HPS3: variants seen among roughly 807,000 people sequenced by gnomAD.
HPS3 encodes HPS3 biogenesis of lysosomal organelles complex 2 subunit 1.
A neutral mutation model predicts 110.9 loss-of-function variants in HPS3; 79 were observed. That is an observed-to-expected ratio of 0.71 (90% CI 0.59 to 0.86). HPS3 has a LOEUF of 0.86. Among genes scored for constraint, HPS3 ranks in the 40% least tolerant of loss-of-function variants. The pLI, the probability that HPS3 is intolerant of heterozygous loss-of-function variation, is 0.00. For missense variants in HPS3, 1,197 were observed against 1,206.2 expected (o/e 0.99, Z 0.11); for synonymous variants, 428 against 451.0 (o/e 0.95, Z 0.65).
At chr3:149,158,317 T>C (rs922574038) in intron 9 of HPS3, among the ~76,000 whole-genome samples, 2 of 152,208 alleles carry the variant, frequency 1.3e-5, no homozygotes, top group African/African-American at 4.8e-5. Flanking sequence ...CTTAAATTGT[T>C]GTTTTTGTTT....
At position 149,157,415 on chromosome 3, in the gene HPS3, T is replaced by C; in HGVS notation, c.1575T>C (p.Ala525=). The change falls in exon 9 of 17, where the codon GCT becomes GCC. Residue 525 remains alanine, a synonymous_variant. Transcript: ENST00000296051. ...TQSCIHLLSE[A]HLLVRAALMD... ...GCTGCATTCACCTTCTCAGTGAGGC[T>C]CATCTGTTAGTGCGAGCTGCCCTGA... The C allele has an allele frequency of 6.2e-7, 1 of 1,613,938 alleles. No individual in the cohort carries two copies. Among genetic ancestry groups the C allele is most frequent in the Non-Finnish European group, 8.5e-7 (1 of 1,179,880 alleles).
rs201624572 is a variant in HPS3 at position 149,162,320 on chromosome 3, A to C, written c.2279A>C (p.Asp760Ala). The change falls in exon 12 of 17, where the codon GAT (aspartate) becomes GCT (alanine). Residue 760 changes from aspartate to alanine, a missense_variant. By Grantham distance (126) the Asp-to-Ala change is moderately radical (BLOSUM62 -2). Transcript: ENST00000296051. ...KNNKIGIEEA[D>A]SFFKVLCAKD... is the part of the protein sequence containing the mutation. ...AACAAAATTGGAATTGAAGAAGCAGATTCCTTTTTTAAGGTTTGTCACTTT... is the reference window on the plus strand; with the variant it reads ...AACAAAATTGGAATTGAAGAAGCAGCTTCCTTTTTTAAGGTTTGTCACTTT... The C allele has an allele frequency of 7.4e-6, 12 of 1,613,848 alleles. No individual in the cohort carries two copies. The highest frequency in any genetic ancestry group is 1.6e-4 in the Middle Eastern group (1 of 6,080).
chr3:149,143,219 A>G (rs1722587622), intron 4 of HPS3, among the ~76,000 whole-genome samples: 1 of 152,080 alleles, frequency 6.6e-6, no homozygotes, highest in South Asian at 2.1e-4. Flanking sequence ...TCCCACTCTC[A>G]CCCTGCTTAC....
chr3:149,151,587 TAAAAAAAAAAA>T (rs1167453087), intron 6 of HPS3, among the ~76,000 whole-genome samples: 11 of 40,300 alleles, frequency 2.7e-4, no homozygotes, highest in African/African-American at 5.6e-4. Flanking sequence ...GCTTGGTTTC[TAAAAAAAAAAA>T]AAAAAAAAAA....
intron 14 of HPS3, among the ~76,000 whole-genome samples, chr3:149,166,701 G>A (rs1270385502): frequency 2.0e-5 from 3 of 152,120 alleles, no homozygotes; most frequent in African/African-American, 2.4e-5. Context: ...ATCATTGGAC[G>A]TAAATCTTTA....
chr3:149,142,877 ATCTTG>A (rs1722561883), intron 4 of HPS3, among the ~76,000 whole-genome samples: 3 of 152,128 alleles, frequency 2.0e-5, no homozygotes, highest in African/African-American at 7.2e-5. Flanking sequence ...CCCTGACCTC[ATCTTG>A]AGGTCAGGGA....
rs1722748106 is a variant in HPS3 at position 149,145,691 on chromosome 3, T to A, written c.1163+145T>A. ...ATGTCATTGTAAGTCTGTCTTTTGA[T>A]GACCCATACCTGCCTTTTCAATGTC... On this transcript the variant is annotated intron_variant, in intron 5 of 16. Transcript: ENST00000296051. The A allele has an allele frequency of 4.0e-6, 3 of 753,472 alleles. No homozygotes were observed. In the South Asian group the frequency reaches 4.3e-5, roughly 11 times the overall value. 46.7% of individuals were successfully genotyped at this position (753,472 alleles called of 1,614,324 possible).
chr3:149,167,080 T>G lies in HPS3; in HGVS notation c.2636T>G (p.Phe879Cys). ...TTTGACATAGCTTCCATTATTCCGT[T>G]CTTGGAGCCACTTTCAGAAGACACT... Reference protein sequence around the residue: ...PSFDIASIIPFLEPLSEDTIA... With the variant: ...PSFDIASIIPCLEPLSEDTIA... Residue 879 changes from phenylalanine (F) to cysteine (C), a missense_variant, in exon 15 of 17, where the codon TTC becomes TGC. By Grantham distance (205) the Phe-to-Cys change is radical. Coordinates refer to ENST00000296051, the MANE Select transcript of HPS3 (RefSeq NM_032383.5). 6.2e-7 allele frequency: 1 copy of G among 1,613,938 alleles called. No homozygotes were observed. The highest frequency in any genetic ancestry group is 8.5e-7 in the Non-Finnish European group (1 of 1,179,838).
Position 149,150,691 on chromosome 3 carries a change from G to A in HPS3, c.1245+11G>A, listed in dbSNP as rs202067740. On this transcript the variant is annotated intron_variant, in intron 6 of 16. Transcript: ENST00000296051. ...GACACCACCCTGAAGGTAAGAACTG[G>A]CTTATGAAGATAGTGAAACCTTAAG... 1.2e-6 allele frequency: 2 copies of A among 1,604,278 alleles called. No individual in the cohort carries two copies. The highest frequency in any genetic ancestry group is 1.7e-6 in the Non-Finnish European group (2 of 1,171,132).
chr3:149,167,748 T>C (rs1045685608), intron 15 of HPS3, 145 bp from the exon 16 acceptor site: 23 of 676,130 alleles, frequency 3.4e-5, no homozygotes, highest in African/African-American at 3.1e-4. Flanking sequence ...GCTGCTGATA[T>C]AACTTATGTT....
At chr3:149,131,054 C>G (rs758937978) in intron 1 of HPS3, among the ~76,000 whole-genome samples, 3 of 151,170 alleles carry the variant, frequency 2.0e-5, no homozygotes, top group Non-Finnish European at 2.9e-5. Context: ...TTGGAGATCT[C>G]TCTCTAATCC....
rs1722336761 is a variant in HPS3 at position 149,140,027 on chromosome 3, G to A, written c.241G>A (p.Glu81Lys). ...AGGAGATTATTTGGTAGCAATTGAA[G>A]AGAAAAACAAAGCTACATTTCTACG... The part of the protein sequence containing the change: ...EAGDYLVAIE[E>K]KNKATFLRAY... The change falls in exon 2 of 17, where the codon GAG becomes AAG. Residue 81 changes from glutamate to lysine, a missense_variant. By Grantham distance (56) the Glu-to-Lys change is moderately conservative. Coordinates refer to ENST00000296051, the MANE Select transcript of HPS3 (RefSeq NM_032383.5). 7 of 1,613,172 alleles carry A rather than the reference G, an allele frequency of 4.3e-6. No homozygotes were observed. The highest frequency in any genetic ancestry group is 5.9e-6 in the Non-Finnish European group (7 of 1,179,490).
At chr3:149,170,871 T>C (rs1354259965) in intron 16 of HPS3, among the ~76,000 whole-genome samples, 2 of 152,204 alleles carry the variant, frequency 1.3e-5, no homozygotes, top group East Asian at 1.9e-4. Context: ...ATTGGGAACA[T>C]TGTTCATAAC....
At chr3:149,131,477 G>A (rs1721776301) in intron 1 of HPS3, among the ~76,000 whole-genome samples, 1 of 152,090 alleles carries the variant, frequency 6.6e-6, no homozygotes, top group Non-Finnish European at 1.5e-5. Context: ...TATCTATTAC[G>A]GTGATCAGCA....
chr3:149,133,361 G>A (rs963672518), intron 1 of HPS3, among the ~76,000 whole-genome samples: 3 of 151,962 alleles, frequency 2.0e-5, no homozygotes, highest in African/African-American at 4.8e-5. Flanking sequence ...GTGCAGTGGC[G>A]TGAACTCGGC....
chr3:149,149,856 C>CTGTTGTGCACTTACTGTG (rs1722994516), intron 5 of HPS3, among the ~76,000 whole-genome samples: 3 of 152,124 alleles, frequency 2.0e-5, no homozygotes, highest in African/African-American at 7.2e-5. Flanking sequence ...CAGATGACAA[C>CTGTTGTGCACTTACTGTG]CAGGCATCTA....
intron 16 of HPS3, 62 bp downstream of exon 16, chr3:149,168,045 C>G (rs1017257916): frequency 3.2e-5 from 31 of 965,226 alleles, no homozygotes; most frequent in African/African-American, 4.9e-5. Context: ...TTTGGTGAAG[C>G]CTTCTTAAGT....
chr3:149,166,335 C>T (rs1724413531), intron 14 of HPS3, among the ~76,000 whole-genome samples: 2 of 152,038 alleles, frequency 1.3e-5, no homozygotes, highest in Admixed American at 6.6e-5. Context: ...GTAGCACATG[C>T]TTATAGAAAA....
At chr3:149,144,887 TA>T in intron 4 of HPS3, among the ~76,000 whole-genome samples, 1 of 152,348 alleles carries the variant, frequency 6.6e-6, no homozygotes, top group Non-Finnish European at 1.5e-5. Flanking sequence ...GAAATGGTAA[TA>T]TTTTTGATAT....
Sources: allele counts gnomAD v4.1 joint callset (sites outside exome capture counted in the v4.1 genomes callset), GRCh38; gene constraint gnomAD v4.1.1; transcripts MANE v1.5; gene names NCBI Gene and HGNC (gene_info 2026-07-23, HGNC 2026-07-21).